Variants in KIAA0232 observed in about 807,000 individuals in gnomAD.
KIAA0232 encodes uncharacterized protein KIAA0232.
A neutral mutation model predicts 122.0 loss-of-function variants in KIAA0232; 27 were observed. That is an observed-to-expected ratio of 0.22 (90% CI 0.16 to 0.31). KIAA0232 has a LOEUF of 0.31. Among genes scored for constraint, KIAA0232 ranks in the 10% least tolerant of loss-of-function variants. KIAA0232 has a pLI of 1.00. For missense variants in KIAA0232, 1,551 were observed against 1,634.2 expected, an observed-to-expected ratio of 0.95 and a Z score of 0.88; for synonymous variants, 613 against 587.6, an observed-to-expected ratio of 1.04 and a Z score of -0.63.
At chr4:6,791,343 T>TG (rs1369701745) in intron 1 of KIAA0232, among the ~76,000 whole-genome samples, 75 of 134,528 alleles carry the variant, frequency 5.6e-4, no homozygotes, top group Non-Finnish European at 9.6e-4. Flanking sequence ...TTTTTTTTTT[T>TG]GAGACAGGGT....
chr4:6,877,062 C>T (rs529069548), intron 9 of KIAA0232, among the ~76,000 whole-genome samples: 1 of 152,284 alleles, frequency 6.6e-6, no homozygotes, highest in South Asian at 2.1e-4. Context: ...GACCCTGTTG[C>T]TCCTTGGGTG....
intron 1 of KIAA0232, 109 bp from the exon 2 acceptor site, chr4:6,804,414 G>T (rs1004612991): frequency 6.6e-6 from 1 of 152,066 alleles, no homozygotes; most frequent in African/African-American, 2.4e-5. Flanking sequence ...GCTGTCTTTT[G>T]GTCCATTAAA....
intron 1 of KIAA0232, among the ~76,000 whole-genome samples, chr4:6,791,533 T>C (rs1400443050): frequency 6.6e-6 from 1 of 151,908 alleles, no homozygotes; most frequent in Non-Finnish European, 1.5e-5. Flanking sequence ...TTTACCACGT[T>C]ACCCAGGCTG....
At chr4:6,845,429 C>T (rs1185554063) in intron 4 of KIAA0232, among the ~76,000 whole-genome samples, 3 of 152,072 alleles carry the variant, frequency 2.0e-5, no homozygotes, top group African/African-American at 7.2e-5. Flanking sequence ...CTCCTGGGCT[C>T]AAGACATCCT....
In KIAA0232 at chr4:6,824,393, CCAACAGAATAT is replaced by C; in HGVS notation, c.-56_-46del. On this transcript the variant is annotated 5_prime_UTR_variant, in exon 3 of 10. It removes the in-frame stop codon of an upstream open reading frame in the 5' UTR. Transcript: ENST00000307659. ...CTGGAGTGAAAATCCCCTCCAGATA[CCAACAGAATAT>C]CAACTGCAGAAAATGCTTCACATTT... 1 of 1,333,640 alleles carries C rather than the reference CCAACAGAATAT, an allele frequency of 7.5e-7. No homozygotes were observed. Among genetic ancestry groups the C allele is most frequent in the East Asian group, 2.3e-5 (1 of 43,462 alleles). The allele number at this position is 1,333,640 out of a possible 1,614,324, so 82.6% of individuals were successfully genotyped here. A position where few individuals can be genotyped will look rare whatever the true frequency, so the allele number is the denominator to read the frequency against.
chr4:6,831,891 GT>G (rs972980632), intron 3 of KIAA0232, among the ~76,000 whole-genome samples: 5 of 152,138 alleles, frequency 3.3e-5, no homozygotes, highest in Non-Finnish European at 2.9e-5. Flanking sequence ...TCAGCCTCTT[GT>G]CCCGGACCTA....
At chr4:6,832,625 A>C (rs1719056427) in intron 3 of KIAA0232, among the ~76,000 whole-genome samples, 1 of 152,208 alleles carries the variant, frequency 6.6e-6, no homozygotes, top group Non-Finnish European at 1.5e-5. Flanking sequence ...CTGGGATTAC[A>C]GAAGTGAACC....
chr4:6,805,428 C>G (rs1218993072), intron 2 of KIAA0232, among the ~76,000 whole-genome samples: 1 of 152,104 alleles, frequency 6.6e-6, no homozygotes, highest in African/African-American at 2.4e-5. Flanking sequence ...CTGATATAAA[C>G]ACATTATTGA....
At chr4:6,787,555 T>G (rs1716683187) in intron 1 of KIAA0232, among the ~76,000 whole-genome samples, 1 of 152,228 alleles carries the variant, frequency 6.6e-6, no homozygotes, top group Non-Finnish European at 1.5e-5. Flanking sequence ...TTACCCAGCC[T>G]GGAAACCTTT....
intron 2 of KIAA0232, among the ~76,000 whole-genome samples, chr4:6,809,217 A>G (rs949851734): frequency 6.6e-6 from 1 of 152,222 alleles, no homozygotes. Flanking sequence ...GCTGGTTTCA[A>G]TAATGTTAGA....
intron 4 of KIAA0232, among the ~76,000 whole-genome samples, chr4:6,849,343 C>T (rs1320010314): frequency 6.6e-6 from 1 of 152,268 alleles, no homozygotes; most frequent in African/African-American, 2.4e-5. Context: ...AATTCCTGGC[C>T]CGGCACAGTG....
At chr4:6,832,506 A>G (rs1427552234) in intron 3 of KIAA0232, among the ~76,000 whole-genome samples, 2 of 151,634 alleles carry the variant, frequency 1.3e-5, no homozygotes, top group East Asian at 3.9e-4. Flanking sequence ...CCACCACCAC[A>G]CCTGGCTAAT....
chr4:6,794,058 G>T (rs1034514749), intron 1 of KIAA0232, among the ~76,000 whole-genome samples: 3 of 152,220 alleles, frequency 2.0e-5, no homozygotes, highest in African/African-American at 7.2e-5. Context: ...CATCCAGGAG[G>T]TTTATTGGGG....
intron 3 of KIAA0232, among the ~76,000 whole-genome samples, chr4:6,826,307 G>A (rs1415977125): frequency 1.3e-5 from 2 of 152,090 alleles, no homozygotes; most frequent in Non-Finnish European, 2.9e-5. Flanking sequence ...TATTTTGGTG[G>A]TCAGTATTTT....
intron 3 of KIAA0232, among the ~76,000 whole-genome samples, chr4:6,828,613 T>G (rs1718814784): frequency 6.6e-6 from 1 of 152,286 alleles, no homozygotes; most frequent in South Asian, 2.1e-4. Flanking sequence ...CCTTAAACAT[T>G]TATCTTTTCT....
intron 4 of KIAA0232, among the ~76,000 whole-genome samples, chr4:6,845,941 G>A (rs934137607): frequency 6.6e-6 from 1 of 152,186 alleles, no homozygotes; most frequent in African/African-American, 2.4e-5. Context: ...GGTAGAAACA[G>A]TGCAAGGGAA....
At chr4:6,783,443 C>T (rs914538227) in intron 1 of KIAA0232, among the ~76,000 whole-genome samples, 1 of 152,208 alleles carries the variant, frequency 6.6e-6, no homozygotes, top group African/African-American at 2.4e-5. Context: ...CTTGATAGGA[C>T]GTAGAGCCCC....
At chr4:6,818,023 C>G (rs1250056407) in intron 2 of KIAA0232, among the ~76,000 whole-genome samples, 6 of 152,006 alleles carry the variant, frequency 3.9e-5, no homozygotes, top group Admixed American at 1.3e-4. Context: ...AAAATTTTTT[C>G]TCCTTTTACT....
At chr4:6,872,975 G>T (rs773152023) in intron 8 of KIAA0232, among the ~76,000 whole-genome samples, 2 of 152,202 alleles carry the variant, frequency 1.3e-5, no homozygotes, top group Non-Finnish European at 1.5e-5. Context: ...CTTCCCAGAG[G>T]TTCATCTGGG....
Sources: allele counts gnomAD v4.1 joint callset (sites outside exome capture counted in the v4.1 genomes callset), GRCh38; gene constraint gnomAD v4.1.1; transcripts MANE v1.5; gene names NCBI Gene and HGNC (gene_info 2026-07-23, HGNC 2026-07-21).